The following RBFOX1 variants were observed in gnomAD, a reference collection of about 807,000 sequenced individuals.
The protein encoded by RBFOX1 is RNA binding protein fox-1 homolog 1.
A neutral mutation model predicts 57.7 loss-of-function variants in RBFOX1; 8 were observed. That is an observed-to-expected ratio of 0.14 (90% CI 0.08 to 0.25). The LOEUF (loss-of-function observed/expected upper bound fraction) is 0.25. RBFOX1 is among the 10% of genes least tolerant of loss of function. The pLI, the probability that RBFOX1 is intolerant of heterozygous loss-of-function variation, is 1.00. For synonymous variants in RBFOX1, 326 were observed against 222.4 expected, an observed-to-expected ratio of 1.47 and a Z score of -4.15; for missense variants, 611 against 548.5, an observed-to-expected ratio of 1.11 and a Z score of -1.14.
chr16:6,426,193 G>A (rs748053942), intron 2 of RBFOX1, among the ~76,000 whole-genome samples: 3 of 145,702 alleles, frequency 2.1e-5, no homozygotes, highest in Admixed American at 6.9e-5. Context: ...TCCTTCCTTC[G>A]TTCTGTCCCT....
chr16:7,141,375 C>G (rs115558450), intron 4 of RBFOX1, among the ~76,000 whole-genome samples: 1 of 152,062 alleles, frequency 6.6e-6, no homozygotes, highest in African/African-American at 2.4e-5. Context: ...GACCCCTTCT[C>G]TGATGGACCT....
chr16:7,029,172 ACG>A lies in RBFOX1; in HGVS notation c.-15-22884_-15-22883del, dbSNP rs2042051534. On this transcript the variant is annotated intron_variant, in intron 3 of 15. Coordinates refer to ENST00000550418, the MANE Select transcript of RBFOX1 (RefSeq NM_018723.4). ...TATGTATATATATACACATATATATACGTATACGTGTATATATACACATATGT... is the reference window on the plus strand; with the variant it reads ...TATGTATATATATACACATATATATATATACGTGTATATATACACATATGT... Among the ~76,000 whole-genome samples the A allele has an allele frequency of 1.2e-4, 8 of 66,674 alleles. 1 individual carries two copies. Among genetic ancestry groups the A allele is most frequent in the East Asian group, 5.4e-4 (1 of 1,848 alleles). The allele number at this position is 66,674 out of a possible 152,430, so 43.7% of individuals were successfully genotyped here.
At chr16:5,618,406 C>T (rs901515469) in intron 3 of RBFOX1, among the ~76,000 whole-genome samples, 18 of 152,098 alleles carry the variant, frequency 1.2e-4, no homozygotes, top group Non-Finnish European at 2.2e-4. Flanking sequence ...GGTGCGATCT[C>T]GGCTCACTGC....
chr16:7,181,234 A>G (rs2082634944), intron 4 of RBFOX1, among the ~76,000 whole-genome samples: 1 of 152,126 alleles, frequency 6.6e-6, no homozygotes, highest in Non-Finnish European at 1.5e-5. Context: ...GGAAACTGCT[A>G]TGCCCCGATG....
chr16:7,681,885 G>T (rs1371233753), intron 14 of RBFOX1, among the ~76,000 whole-genome samples: 1 of 152,136 alleles, frequency 6.6e-6, no homozygotes, highest in Non-Finnish European at 1.5e-5. Context: ...TAGCTAAACA[G>T]CAGTAGCAGC....
At chr16:7,032,957 G>C (rs1477106480) in intron 3 of RBFOX1, among the ~76,000 whole-genome samples, 1 of 152,136 alleles carries the variant, frequency 6.6e-6, no homozygotes, top group Non-Finnish European at 1.5e-5. Context: ...CAATTTGGGA[G>C]ACAGTGTGAG....
intron 3 of RBFOX1, among the ~76,000 whole-genome samples, chr16:5,862,873 C>T (rs368116123): frequency 4.6e-5 from 7 of 152,168 alleles, no homozygotes; most frequent in African/African-American, 1.4e-4. Flanking sequence ...ATCAGAGCCC[C>T]AGACAGTGTT....
chr16:6,697,999 C>G (rs1288411530), intron 3 of RBFOX1, among the ~76,000 whole-genome samples: 8 of 152,186 alleles, frequency 5.3e-5, no homozygotes, highest in Non-Finnish European at 1.0e-4. Context: ...CTTAACTGAT[C>G]AAACTTATTA....
rs142929573 is a variant in RBFOX1, at chr16:7,312,459, A to G, written c.28-205688A>G. On this transcript the variant is annotated intron_variant, in intron 4 of 15. Coordinates refer to ENST00000550418, the MANE Select transcript of RBFOX1 (RefSeq NM_018723.4). ...TAGGATTTGTTTATTGAAGCTGGAC[A>G]TAAACTTCTCGTTTCCATTTCTCTC... is the stretch of plus-strand genomic sequence containing the variant. Among the ~76,000 whole-genome samples, 399 of 152,376 alleles carry G rather than the reference A, an allele frequency of 2.6e-3. 2 individuals are homozygous for G. The highest frequency in any genetic ancestry group is 9.1e-3 in the African/African-American group (379 of 41,590).
intron 4 of RBFOX1, among the ~76,000 whole-genome samples, chr16:7,164,799 A>G (rs528334983): frequency 6.6e-6 from 1 of 152,190 alleles, no homozygotes; most frequent in East Asian, 1.9e-4. Context: ...GTTGTTCTCA[A>G]CCTTTTGCTT....
At chr16:6,617,183 G>C (rs986963986) in intron 2 of RBFOX1, among the ~76,000 whole-genome samples, 1 of 151,856 alleles carries the variant, frequency 6.6e-6, no homozygotes, top group Non-Finnish European at 1.5e-5. Flanking sequence ...TGTCCACCTT[G>C]ATCTCATCTG....
chr16:7,210,925 T>A (rs1452635116), intron 4 of RBFOX1, among the ~76,000 whole-genome samples: 7 of 145,346 alleles, frequency 4.8e-5, no homozygotes, highest in African/African-American at 1.7e-4. Context: ...GAAAAAAAAA[T>A]TTCAAGAATA....
chr16:6,242,058 A>C (rs1253304218), intron 1 of RBFOX1, among the ~76,000 whole-genome samples: 2 of 152,236 alleles, frequency 1.3e-5, no homozygotes, highest in African/African-American at 4.8e-5. Flanking sequence ...TTTGAAATTG[A>C]ATTCCAGGCA....
chr16:6,493,172 T>C (rs1598164678), intron 2 of RBFOX1, among the ~76,000 whole-genome samples: 1 of 152,210 alleles, frequency 6.6e-6, no homozygotes, highest in African/African-American at 2.4e-5. Flanking sequence ...GTGTTGGACA[T>C]AGGCAACCTA....
At chr16:6,976,326 A>C (rs1395430359) in intron 3 of RBFOX1, among the ~76,000 whole-genome samples, 1 of 152,134 alleles carries the variant, frequency 6.6e-6, no homozygotes, top group East Asian at 1.9e-4. Context: ...CCACACTCTA[A>C]ATTTCTCCTC....
At chr16:5,522,291 G>A (rs1439046792) in intron 2 of RBFOX1, among the ~76,000 whole-genome samples, 1 of 152,316 alleles carries the variant, frequency 6.6e-6, no homozygotes, top group South Asian at 2.1e-4. Context: ...TGTAAAATGG[G>A]TCTCATAATA....
chr16:7,654,091 C>T (rs2065750316), intron 12 of RBFOX1, 144 bp downstream of exon 12: 1 of 814,560 alleles, frequency 1.2e-6, no homozygotes, highest in South Asian at 1.9e-5. Context: ...CGGCCGCGCA[C>T]CTGCAGTGGA....
At chr16:5,988,465 A>G (rs1252926488) in intron 4 of RBFOX1, among the ~76,000 whole-genome samples, 3 of 152,174 alleles carry the variant, frequency 2.0e-5, no homozygotes, top group Admixed American at 2.0e-4. Flanking sequence ...ATTGGGATGA[A>G]TTCCTGTCTT....
chr16:6,835,595 T>C (rs1567477608), intron 3 of RBFOX1, among the ~76,000 whole-genome samples: 3 of 150,210 alleles, frequency 2.0e-5, no homozygotes, highest in African/African-American at 4.9e-5. Flanking sequence ...CTACCAAAAA[T>C]AAAAAAAAGT....
Sources: gnomAD v4.1 joint callset for allele counts (sites outside exome capture counted in the v4.1 genomes callset) on GRCh38, gnomAD v4.1.1 for gene constraint, MANE v1.5 for transcripts, NCBI Gene and HGNC (gene_info 2026-07-23, HGNC 2026-07-21) for gene names.